The following ZNF516 variants were observed in gnomAD, a reference collection of about 807,000 sequenced individuals.
ZNF516 encodes the protein zinc finger protein 516.
ZNF516 carries 19 observed loss-of-function variants against 79.7 expected under a neutral mutation model. The observed-to-expected ratio is 0.24, with a 90% CI of 0.17 to 0.35. The LOEUF is 0.35. Among genes scored for constraint, ZNF516 ranks in the 10% least tolerant of loss-of-function variants. The pLI, the probability that ZNF516 is intolerant of heterozygous loss-of-function variation, is 1.00. For synonymous variants in ZNF516, 877 were observed against 739.5 expected, an observed-to-expected ratio of 1.19 and a Z score of -3.02; for missense variants, 1,678 against 1,679.5, an observed-to-expected ratio of 1.00 and a Z score of 0.02.
Position 76,443,092 on chromosome 18 carries a change from TTC to T in ZNF516, c.-40_-39del. ...CGCGGCCGGTGGTGGCGGCACAGCT[TTC>T]TGTCGCGCGGGCTGCAGGGACCGTC... On this transcript the variant is annotated 5_prime_UTR_variant, in exon 3 of 7. Coordinates refer to ENST00000443185, the MANE Select transcript of ZNF516 (RefSeq NM_014643.4). 2 of 1,540,278 alleles carry T rather than the reference TTC, an allele frequency of 1.3e-6. No homozygotes were observed. The highest frequency in any genetic ancestry group is 2.0e-5 in the Admixed American group (1 of 49,400).
intron 3 of ZNF516, among the ~76,000 whole-genome samples, chr18:76,432,968 C>T (rs1364504885): frequency 6.6e-6 from 1 of 152,202 alleles, no homozygotes; most frequent in Non-Finnish European, 1.5e-5. Context: ...CCCAAATCCT[C>T]ACTCCATTGA....
chr18:76,473,535 C>T (rs990985066), intron 1 of ZNF516, among the ~76,000 whole-genome samples: 4 of 152,114 alleles, frequency 2.6e-5, no homozygotes, highest in South Asian at 2.1e-4. Context: ...GGTGCGGTGG[C>T]TCACGCCTGT....
At chr18:76,418,557 T>C (rs1488535665) in intron 3 of ZNF516, among the ~76,000 whole-genome samples, 2 of 152,026 alleles carry the variant, frequency 1.3e-5, no homozygotes, top group Non-Finnish European at 2.9e-5. Context: ...TGACACGCAC[T>C]GTAACATACG....
chr18:76,476,047 G>A (rs777126701), intron 1 of ZNF516, among the ~76,000 whole-genome samples: 11 of 152,208 alleles, frequency 7.2e-5, no homozygotes, highest in Middle Eastern at 6.8e-3. Context: ...TAAATATCTC[G>A]ATGGCCAAGA....
chr18:76,449,981 C>T (rs1912292539), intron 2 of ZNF516, among the ~76,000 whole-genome samples: 2 of 152,146 alleles, frequency 1.3e-5, no homozygotes, highest in Non-Finnish European at 2.9e-5. Context: ...CAGAACTCTT[C>T]GTAGAAATTA....
chr18:76,453,491 C>T (rs1306105781), intron 2 of ZNF516, among the ~76,000 whole-genome samples: 1 of 152,152 alleles, frequency 6.6e-6, no homozygotes, highest in Non-Finnish European at 1.5e-5. Context: ...ATAGTTAAAG[C>T]TAAAGTTGCG....
chr18:76,492,249 A>T (rs910912607), intron 1 of ZNF516: 105 of 985,358 alleles, frequency 1.1e-4, no homozygotes, highest in Non-Finnish European at 1.1e-4. Flanking sequence ...TGCTCGGCTC[A>T]GGTCGGGTCC....
intron 1 of ZNF516, among the ~76,000 whole-genome samples, chr18:76,476,212 C>G (rs1457730826): frequency 1.3e-5 from 2 of 152,190 alleles, no homozygotes; most frequent in South Asian, 2.1e-4. Context: ...AATGAGTTAT[C>G]TGCAGTGAGT....
chr18:76,372,738 A>T (rs1032730267), intron 4 of ZNF516: 2 of 152,278 alleles, frequency 1.3e-5, no homozygotes, highest in Non-Finnish European at 2.9e-5. Context: ...CAAATTTCTT[A>T]TATGACAGAT....
At chr18:76,478,365 T>TA (rs1427831077) in intron 1 of ZNF516, among the ~76,000 whole-genome samples, 3 of 152,176 alleles carry the variant, frequency 2.0e-5, no homozygotes, top group Non-Finnish European at 4.4e-5. Context: ...TAAGCAAAGT[T>TA]AAGAGTTTCT....
intron 1 of ZNF516, among the ~76,000 whole-genome samples, chr18:76,484,330 A>AT (rs1291663965): frequency 6.6e-6 from 1 of 152,260 alleles, no homozygotes; most frequent in Non-Finnish European, 1.5e-5. Context: ...TATAACACAT[A>AT]TATGATTGTC....
intron 1 of ZNF516, among the ~76,000 whole-genome samples, chr18:76,472,222 C>T (rs1397523632): frequency 1.3e-5 from 2 of 152,200 alleles, no homozygotes; most frequent in Admixed American, 1.3e-4. Flanking sequence ...TTCCCATTGC[C>T]CTTGGGACGG....
chr18:76,448,207 C>A (rs760846458), intron 2 of ZNF516, among the ~76,000 whole-genome samples: 2 of 152,174 alleles, frequency 1.3e-5, no homozygotes, highest in African/African-American at 4.8e-5. Flanking sequence ...TATATTAAGG[C>A]TGCTGCCATA....
chr18:76,475,840 T>C (rs772607984), intron 1 of ZNF516, among the ~76,000 whole-genome samples: 2 of 152,190 alleles, frequency 1.3e-5, no homozygotes, highest in Non-Finnish European at 2.9e-5. Context: ...CACAGAACAT[T>C]GTACCATTTT....
intron 2 of ZNF516, among the ~76,000 whole-genome samples, chr18:76,446,229 T>C (rs1912043814): frequency 2.0e-5 from 3 of 152,310 alleles, no homozygotes; most frequent in Admixed American, 2.0e-4. Flanking sequence ...TAAAATCCAG[T>C]GACCCCCTCA....
intron 2 of ZNF516, among the ~76,000 whole-genome samples, chr18:76,446,720 G>A (rs1912073002): frequency 6.6e-6 from 1 of 152,192 alleles, no homozygotes; most frequent in African/African-American, 2.4e-5. Context: ...CAGCATCCAC[G>A]ATGCTCTGCG....
At chr18:76,486,437 C>A (rs753810410) in intron 1 of ZNF516, among the ~76,000 whole-genome samples, 5 of 152,152 alleles carry the variant, frequency 3.3e-5, no homozygotes, top group Non-Finnish European at 7.3e-5. Context: ...TTAGAGAGTT[C>A]TTCAAGTGTT....
intron 1 of ZNF516, among the ~76,000 whole-genome samples, chr18:76,488,978 A>G (rs1285689480): frequency 2.0e-5 from 3 of 152,282 alleles, no homozygotes; most frequent in African/African-American, 7.2e-5. Context: ...TTCAACATTT[A>G]AACAAGCATA....
chr18:76,495,849 TG>T, upstream of ZNF516: 1 of 744,050 alleles, frequency 1.3e-6, no homozygotes, highest in Non-Finnish European at 1.8e-6. Flanking sequence ...TAAATGCCTC[TG>T]GGGGTGTTCA....
Sources: allele counts gnomAD v4.1 joint callset (sites outside exome capture counted in the v4.1 genomes callset), GRCh38; gene constraint gnomAD v4.1.1; transcripts MANE v1.5; gene names NCBI Gene and HGNC (gene_info 2026-07-23, HGNC 2026-07-21).